The following POU6F2 variants were observed in gnomAD, a reference collection of about 807,000 sequenced individuals.
POU6F2 encodes the protein POU class 6 homeobox 2.
A neutral mutation model predicts 71.3 loss-of-function variants in POU6F2; 31 were observed. That is an observed-to-expected ratio of 0.43 (90% CI 0.33 to 0.59). The LOEUF (loss-of-function observed/expected upper bound fraction) is 0.59, where lower values mean the gene tolerates loss of function less well. POU6F2 is among the 20% of genes least tolerant of loss of function. POU6F2 has a pLI of 0.04. For missense variants in POU6F2, 783 were observed against 856.8 expected, an observed-to-expected ratio of 0.91 and a Z score of 1.07; for synonymous variants, 347 against 355.7, an observed-to-expected ratio of 0.98 and a Z score of 0.27.
intron 2 of POU6F2, among the ~76,000 whole-genome samples, chr7:39,104,431 C>A (rs531425049): frequency 1.3e-5 from 2 of 152,120 alleles, no homozygotes; most frequent in Non-Finnish European, 2.9e-5. Context: ...TTGATCTGCC[C>A]GGTGGCTGGA....
At chr7:39,127,454 A>G (rs1346547281) in intron 2 of POU6F2, among the ~76,000 whole-genome samples, 1 of 152,228 alleles carries the variant, frequency 6.6e-6, no homozygotes, top group Non-Finnish European at 1.5e-5. Context: ...AATGGGGACC[A>G]TGTATAGAAA....
At chr7:39,086,834 GCGTGC>G (rs934711138) in intron 2 of POU6F2, among the ~76,000 whole-genome samples, 2 of 152,136 alleles carry the variant, frequency 1.3e-5, no homozygotes, top group Non-Finnish European at 2.9e-5. Flanking sequence ...TTGTTGAGGC[GCGTGC>G]CTGAGTGATA....
At chr7:39,263,374 A>C (rs1258296200) in intron 4 of POU6F2, among the ~76,000 whole-genome samples, 1 of 152,206 alleles carries the variant, frequency 6.6e-6, no homozygotes, top group Admixed American at 6.5e-5. Context: ...AGTTTAAATC[A>C]CACCTTCTAT....
intron 2 of POU6F2, among the ~76,000 whole-genome samples, chr7:39,149,885 C>CTTTTTTTTTT (rs70977463): frequency 7.0e-6 from 1 of 142,338 alleles, no homozygotes. Flanking sequence ...GCAAGATTTC[C>CTTTTTTTTTT]TTTTTTTTTT....
chr7:39,151,045 CT>C (rs922787382), intron 2 of POU6F2, among the ~76,000 whole-genome samples: 14 of 149,462 alleles, frequency 9.4e-5, no homozygotes, highest in Admixed American at 5.3e-4. Context: ...ACTTTTTTCA[CT>C]TTTTTTTTTC....
At chr7:39,204,403 A>C in intron 3 of POU6F2, 77 bp downstream of exon 3, 2 of 1,233,612 alleles carry the variant, frequency 1.6e-6, no homozygotes, top group Non-Finnish European at 2.3e-6. Flanking sequence ...ATAAATAATA[A>C]TGAGTTAAAT....
At chr7:39,284,099 A>G (rs1583496486) in intron 4 of POU6F2, among the ~76,000 whole-genome samples, 1 of 152,162 alleles carries the variant, frequency 6.6e-6, no homozygotes, top group African/African-American at 2.4e-5. Context: ...TGGTCTAGAG[A>G]AGGCTGGAAA....
intron 1 of POU6F2, among the ~76,000 whole-genome samples, chr7:39,072,843 G>A (rs1436169478): frequency 6.6e-6 from 1 of 152,198 alleles, no homozygotes; most frequent in Non-Finnish European, 1.5e-5. Context: ...CCATGATGAG[G>A]TCAAGACAGT....
At chr7:39,014,478 A>G (rs1332234189) in intron 1 of POU6F2, among the ~76,000 whole-genome samples, 1 of 152,196 alleles carries the variant, frequency 6.6e-6, no homozygotes, top group Non-Finnish European at 1.5e-5. Context: ...TTTAATGTTA[A>G]ATCTTTCTCC....
intron 5 of POU6F2, among the ~76,000 whole-genome samples, chr7:39,352,970 A>G (rs148518979): frequency 1.6e-4 from 25 of 152,310 alleles, no homozygotes; most frequent in African/African-American, 5.8e-4. Flanking sequence ...TGTGTCCCCA[A>G]GATTTAGCTC....
At chr7:39,248,287 A>C (rs1238250674) in intron 4 of POU6F2, among the ~76,000 whole-genome samples, 1 of 152,222 alleles carries the variant, frequency 6.6e-6, no homozygotes, top group Non-Finnish European at 1.5e-5. Flanking sequence ...AAAGTTGCTA[A>C]AATGGCATCT....
rs142406571 is a variant in POU6F2, at chr7:39,260,885, AC to A, written c.598+53267del. On this transcript the variant is annotated intron_variant, in intron 4 of 9. Transcript: ENST00000518318. Reference sequence around the variant, plus strand: ...ACACCACATACCACAGACTCCACACACCATACACGCCACCTACACATATATA... The same window carrying A: ...ACACCACATACCACAGACTCCACACACATACACGCCACCTACACATATATA... Among the ~76,000 whole-genome samples, 1,037 of 151,848 alleles carry A rather than the reference AC, an allele frequency of 6.8e-3. 9 individuals are homozygous for A. Among genetic ancestry groups the A allele is most frequent in the Non-Finnish European group, 0.012 (803 of 67,906 alleles).
chr7:39,285,086 G>A (rs1784628651), intron 4 of POU6F2, among the ~76,000 whole-genome samples: 1 of 152,232 alleles, frequency 6.6e-6, no homozygotes, highest in Non-Finnish European at 1.5e-5. Flanking sequence ...GGCTGTTCTA[G>A]TGGCTTGGCC....
At chr7:39,029,855 A>G (rs1320476093) in intron 1 of POU6F2, among the ~76,000 whole-genome samples, 1 of 152,166 alleles carries the variant, frequency 6.6e-6, no homozygotes, top group Non-Finnish European at 1.5e-5. Context: ...ATTTGAAAAT[A>G]TTAAGCCACT....
chr7:39,159,177 C>CAAAAAAT (rs995329570), intron 2 of POU6F2, among the ~76,000 whole-genome samples: 129 of 151,782 alleles, frequency 8.5e-4, no homozygotes. Flanking sequence ...GATTCTGTCT[C>CAAAAAAT]AAAAAATAAA....
Position 39,422,636 on chromosome 7 carries a change from C to T in POU6F2, c.1114-10441C>T, listed in dbSNP as rs1480665396. Among the ~76,000 whole-genome samples the T allele has an allele frequency of 3.9e-5, 6 of 152,108 alleles. No homozygotes were observed. In the East Asian group the frequency reaches 9.6e-4, roughly 24 times the overall value. Reference sequence around the variant, plus strand: ...ATGTGCAGAGGTTATGACTGTGGTGCGGCCACTGAGGAGGAGAATTGTGCT... The same window carrying T: ...ATGTGCAGAGGTTATGACTGTGGTGTGGCCACTGAGGAGGAGAATTGTGCT... On this transcript the variant is annotated intron_variant, in intron 6 of 9. Transcript: ENST00000518318.
At chr7:39,313,930 T>C (rs1216003010) in intron 4 of POU6F2, among the ~76,000 whole-genome samples, 1 of 152,236 alleles carries the variant, frequency 6.6e-6, no homozygotes, top group Non-Finnish European at 1.5e-5. Context: ...GGATGTTTGC[T>C]GTCAGGGACC....
At chr7:39,297,143 T>C (rs1390535920) in intron 4 of POU6F2, among the ~76,000 whole-genome samples, 1 of 151,534 alleles carries the variant, frequency 6.6e-6, no homozygotes, top group Non-Finnish European at 1.5e-5. Context: ...TTGTATTCTT[T>C]AGTGTTTATG....
intron 6 of POU6F2, among the ~76,000 whole-genome samples, chr7:39,431,939 A>G (rs1227077786): frequency 6.6e-6 from 1 of 152,190 alleles, no homozygotes; most frequent in Admixed American, 6.5e-5. Flanking sequence ...AAGCAGAGCT[A>G]GGTAACCATC....
Sources: gnomAD v4.1 joint callset for allele counts (sites outside exome capture counted in the v4.1 genomes callset) on GRCh38, gnomAD v4.1.1 for gene constraint, MANE v1.5 for transcripts, NCBI Gene and HGNC (gene_info 2026-07-23, HGNC 2026-07-21) for gene names.